The following OR6C1 variants were observed in gnomAD, a reference collection of about 807,000 sequenced individuals.
OR6C1 encodes the protein olfactory receptor family 6 subfamily C member 1, also known as olfactory receptor 6C1.
For missense variants in OR6C1, 386 were observed against 366.1 expected (o/e 1.05, Z -0.44); for synonymous variants, 157 against 133.3 (o/e 1.18, Z -1.22).
In OR6C1 at chr12:55,320,168, C is replaced by T. The variant is rs74240660; in HGVS notation, c.-33-399C>T. Among the ~76,000 whole-genome samples, 120 of 152,068 alleles carry T rather than the reference C, an allele frequency of 7.9e-4. No homozygotes were observed. In the East Asian group the frequency reaches 0.019, roughly 25 times the overall value. On this transcript the variant is annotated intron_variant, in intron 1 of 1. Coordinates refer to ENST00000642104, the MANE Select transcript of OR6C1 (RefSeq NM_001005182.2). ...AAAAAAACAACCTCAAGTATCTTCT[C>T]CATATTGAGAATCATCAGAGTAATC...
At chr12:55,317,950 T>TAC (rs1465986186) in intron 1 of OR6C1, among the ~76,000 whole-genome samples, 102 of 143,520 alleles carry the variant, frequency 7.1e-4, no homozygotes, top group African/African-American at 2.7e-3. Context: ...TATGTATATA[T>TAC]ATACACACAC....
At chr12:55,316,523 A>T (rs1269901804) in intron 1 of OR6C1, among the ~76,000 whole-genome samples, 3 of 151,890 alleles carry the variant, frequency 2.0e-5, no homozygotes, top group Non-Finnish European at 4.4e-5. Context: ...GAAAATATGG[A>T]TTTGCATTCA....
chr12:55,318,567 C>T (rs918744335), intron 1 of OR6C1, among the ~76,000 whole-genome samples: 9 of 149,558 alleles, frequency 6.0e-5, no homozygotes, highest in East Asian at 3.9e-4. Flanking sequence ...ATACAGCTTT[C>T]GCTAAATGCT....
At position 55,321,366 on chromosome 12, in the gene OR6C1, T is replaced by C; in HGVS notation, c.767T>C (p.Met256Thr). Residue 256 changes from methionine to threonine, a missense_variant, in exon 2 of 2, where the codon ATG (methionine) becomes ACG (threonine). Coordinates refer to ENST00000642104, the MANE Select transcript of OR6C1 (RefSeq NM_001005182.2). The part of the protein sequence containing the change: ...VSISYGSCIF[M>T]YIKPSAKDRV... ...ATCTCTTATGGCAGCTGCATTTTTATGTACATTAAACCCTCAGCAAAAGAT... is the reference window on the plus strand; with the variant it reads ...ATCTCTTATGGCAGCTGCATTTTTACGTACATTAAACCCTCAGCAAAAGAT... The C allele has an allele frequency of 1.2e-6, 2 of 1,614,006 alleles. No homozygotes were observed. The highest frequency in any genetic ancestry group is 1.7e-6 in the Non-Finnish European group (2 of 1,179,916).
chr12:55,321,101 A>AAAT lies in OR6C1; in HGVS notation c.502_503insAAT (p.Arg168delinsLysTrp). The AAAT allele has an allele frequency of 6.2e-7, 1 of 1,613,052 alleles. No homozygotes were observed. The highest frequency in any genetic ancestry group is 8.5e-7 in the Non-Finnish European group (1 of 1,179,138). On this transcript the variant is annotated protein_altering_variant, in exon 2 of 2. Coordinates refer to ENST00000642104, the MANE Select transcript of OR6C1 (RefSeq NM_001005182.2). ...GTTGCTTTTAAAGCTTCATTACTGTAGGTCTAATATTATTGACCATTTTAC... is the reference window on the plus strand; with the variant it reads ...GTTGCTTTTAAAGCTTCATTACTGTAAATGGTCTAATATTATTGACCATTTTAC...
chr12:55,320,744 C>T lies in OR6C1; in HGVS notation c.145C>T (p.Leu49=). Reference sequence around the variant, plus strand: ...CCTGACCCTTATCACAATTACCCTGCTGGATTCCCACCTGCAGACCCCCAT... The same window carrying T: ...CCTGACCCTTATCACAATTACCCTGTTGGATTCCCACCTGCAGACCCCCAT... ...GNLTLITITL[L]DSHLQTPMYF... The change falls in exon 2 of 2, where the codon CTG becomes TTG. Residue 49 remains leucine, a synonymous_variant. Transcript: ENST00000642104. The T allele has an allele frequency of 6.2e-7, 1 of 1,614,094 alleles. No homozygotes were observed. The highest frequency in any genetic ancestry group is 8.5e-7 in the Non-Finnish European group (1 of 1,179,982).
At chr12:55,320,116 G>A (rs141824051) in intron 1 of OR6C1, among the ~76,000 whole-genome samples, 2 of 152,110 alleles carry the variant, frequency 1.3e-5, no homozygotes, top group Non-Finnish European at 2.9e-5. Context: ...ACTCCAGCCT[G>A]GGTGACAGAG....
At chr12:55,315,817 T>C (rs1425721193) in intron 1 of OR6C1, among the ~76,000 whole-genome samples, 1 of 151,536 alleles carries the variant, frequency 6.6e-6, no homozygotes, top group Admixed American at 6.6e-5. Context: ...AGCATAATTA[T>C]AAAACTGAGC....
rs1173356957 is a variant in OR6C1, at chr12:55,320,996, A to G, written c.397A>G (p.Ile133Val). ...CTGCAAGCCTCTGCATTGCTTGAGTATCATGAATCGAAGAGTCTGCACACT... is the reference window on the plus strand; with the variant it reads ...CTGCAAGCCTCTGCATTGCTTGAGTGTCATGAATCGAAGAGTCTGCACACT... The part of the protein sequence containing the change: ...AICKPLHCLS[I>V]MNRRVCTLLV... Residue 133 changes from isoleucine (I) to valine (V), a missense_variant, in exon 2 of 2, where the codon ATC becomes GTC. Physicochemically the swap from Ile to Val is conservative, Grantham distance 29. Transcript: ENST00000642104. 10 of 1,613,830 alleles carry G rather than the reference A, an allele frequency of 6.2e-6. No individual in the cohort carries two copies. The highest frequency in any genetic ancestry group is 8.5e-6 in the Non-Finnish European group (10 of 1,179,978).
At position 55,322,256 on chromosome 12, in the gene OR6C1, CTG is replaced by C. The variant is rs1868582304; in HGVS notation, c.*721_*722del. Reference sequence around the variant, plus strand: ...TATATTCCTAAGATATGTTAATTTTCTGTGAGTGGAAAATAAGCTTCTTTCTA... The same window carrying C: ...TATATTCCTAAGATATGTTAATTTTCTGAGTGGAAAATAAGCTTCTTTCTA... On this transcript the variant is annotated 3_prime_UTR_variant, in exon 2 of 2. Coordinates refer to ENST00000642104, the MANE Select transcript of OR6C1 (RefSeq NM_001005182.2). The C allele has an allele frequency of 6.6e-6, 1 of 151,880 alleles. No individual in the cohort carries two copies. The highest frequency in any genetic ancestry group is 1.5e-5 in the Non-Finnish European group (1 of 67,890). 9.4% of individuals were successfully genotyped at this position (151,880 alleles called of 1,614,324 possible).
In OR6C1 at chr12:55,320,861, A is replaced by T; in HGVS notation, c.262A>T (p.Lys88Ter). 1.2e-6 allele frequency: 2 copies of T among 1,613,740 alleles called. No homozygotes were observed. The highest frequency in any genetic ancestry group is 1.7e-6 in the Non-Finnish European group (2 of 1,179,680). ...KFLGNIISGD[K>*]TISFNNCIVQ... is the part of the protein sequence containing the mutation. ...TCTGGGTAACATTATTTCAGGAGAT[A>T]AAACCATTTCCTTTAATAATTGCAT... The change falls in exon 2 of 2, where the codon AAA becomes TAA. Residue 88 changes from lysine (K) to a stop codon, truncating the protein, a stop_gained. Coordinates refer to ENST00000642104, the MANE Select transcript of OR6C1 (RefSeq NM_001005182.2). LOFTEE classifies it low-confidence loss of function (END_TRUNC).
chr12:55,315,041 A>G (rs1016665976), intron 1 of OR6C1, among the ~76,000 whole-genome samples: 1 of 151,686 alleles, frequency 6.6e-6, no homozygotes, highest in Non-Finnish European at 1.5e-5. Context: ...AATCACAACT[A>G]CAATGAATAT....
chr12:55,317,950 T>C (rs534732991), intron 1 of OR6C1, among the ~76,000 whole-genome samples: 13 of 143,520 alleles, frequency 9.1e-5, no homozygotes, highest in African/African-American at 3.6e-4. Flanking sequence ...TATGTATATA[T>C]ATACACACAC....
At chr12:55,316,752 A>G (rs1014497569) in intron 1 of OR6C1, among the ~76,000 whole-genome samples, 3 of 151,940 alleles carry the variant, frequency 2.0e-5, no homozygotes, top group African/African-American at 7.2e-5. Context: ...AAACATTTCT[A>G]CATAAAAGCA....
intron 1 of OR6C1, among the ~76,000 whole-genome samples, chr12:55,315,704 C>T (rs1443751283): frequency 2.0e-5 from 3 of 151,574 alleles, no homozygotes; most frequent in Non-Finnish European, 4.4e-5. Context: ...AATGAATTTT[C>T]CTGAAGAGCC....
chr12:55,320,445 G>A (rs1422877485), intron 1 of OR6C1, 122 bp from the exon 2 acceptor site: 1 of 586,148 alleles, frequency 1.7e-6, no homozygotes, highest in Non-Finnish European at 3.0e-6. Flanking sequence ...TTATTATCGG[G>A]TGGCGTTAAA....
chr12:55,317,535 C>G (rs936633054), intron 1 of OR6C1, among the ~76,000 whole-genome samples: 2 of 151,788 alleles, frequency 1.3e-5, no homozygotes, highest in Admixed American at 6.6e-5. Flanking sequence ...TAAGTAAGAT[C>G]CAGGCTAGAA....
intron 1 of OR6C1, among the ~76,000 whole-genome samples, chr12:55,319,888 C>T (rs575058196): frequency 2.0e-5 from 3 of 152,288 alleles, no homozygotes; most frequent in African/African-American, 4.8e-5. Flanking sequence ...TGCCTGTAAT[C>T]CCAGCACTTT....
At chr12:55,315,838 C>T (rs1032197868) in intron 1 of OR6C1, among the ~76,000 whole-genome samples, 1 of 150,922 alleles carries the variant, frequency 6.6e-6, no homozygotes, top group Admixed American at 6.6e-5. Flanking sequence ...TATATATTGC[C>T]CACAACATTG....
Sources: allele counts gnomAD v4.1 joint callset (sites outside exome capture counted in the v4.1 genomes callset), GRCh38; gene constraint gnomAD v4.1.1; transcripts MANE v1.5; gene names NCBI Gene and HGNC (gene_info 2026-07-23, HGNC 2026-07-21).